KATNAL1: variants seen among roughly 807,000 people sequenced by gnomAD.
KATNAL1 encodes katanin p60 ATPase-containing subunit A-like 1.
A neutral mutation model predicts 55.2 loss-of-function variants in KATNAL1; 32 were observed. That is an observed-to-expected ratio of 0.58 (90% confidence interval 0.44 to 0.78). KATNAL1 has a LOEUF of 0.78. KATNAL1 is among the 30% of genes least tolerant of loss of function. KATNAL1 has a pLI of 0.00. For synonymous variants in KATNAL1, 193 were observed against 193.6 expected (o/e 1.00, Z 0.02); for missense variants, 466 against 600.9 (o/e 0.78, Z 2.35).
Position 30,204,261 on chromosome 13 carries a change from T to G in KATNAL1, c.*4279A>C. On this transcript the variant is annotated 3_prime_UTR_variant, in exon 11 of 11. Transcript: ENST00000380615. ...GCATTCACCCTTAACATTTTATGCC[T>G]GTCATACAGAATATACCCTAAACTG... 6.6e-6 allele frequency: 1 copy of G among 152,242 alleles called. No individual in the cohort carries two copies. The highest frequency in any genetic ancestry group is 1.9e-4 in the East Asian group (1 of 5,200). The allele number at this position is 152,242 out of a possible 1,614,324, so 9.4% of individuals were successfully genotyped here.
intron 3 of KATNAL1, among the ~76,000 whole-genome samples, chr13:30,262,918 AAAG>A (rs1381990832): frequency 2.0e-5 from 3 of 152,314 alleles, no homozygotes; most frequent in African/African-American, 7.2e-5. Flanking sequence ...CACACCCAAA[AAAG>A]AGAATTTCAG....
In KATNAL1 at chr13:30,207,547, C is replaced by T. The variant is rs1873263265; in HGVS notation, c.*993G>A. 6.6e-6 allele frequency: 1 copy of T among 152,144 alleles called. No homozygotes were observed. Among genetic ancestry groups the T allele is most frequent in the African/African-American group, 2.4e-5 (1 of 41,432 alleles). The allele number at this position is 152,144 out of a possible 1,614,324, so 9.4% of individuals were successfully genotyped here. ...TACTAAAATCAAACTCAAGAAAAATCAAACAATGCTGGAGCTGAGAAAAAT... is the reference window on the plus strand; with the variant it reads ...TACTAAAATCAAACTCAAGAAAAATTAAACAATGCTGGAGCTGAGAAAAAT... On this transcript the variant is annotated 3_prime_UTR_variant, in exon 11 of 11. Transcript: ENST00000380615.
chr13:30,235,950 T>C (rs1260903790), intron 6 of KATNAL1, among the ~76,000 whole-genome samples: 3 of 152,198 alleles, frequency 2.0e-5, no homozygotes, highest in African/African-American at 4.8e-5. Flanking sequence ...ATGGTATTCT[T>C]ACAATAAAGC....
chr13:30,283,873 A>G (rs1346999853), intron 1 of KATNAL1, 82 bp from the exon 2 acceptor site: 8 of 1,011,168 alleles, frequency 7.9e-6, no homozygotes, highest in Non-Finnish European at 1.1e-5. Flanking sequence ...TATGTTTAAA[A>G]CTACTTTTTT....
At chr13:30,248,309 A>G (rs937928957) in intron 4 of KATNAL1, among the ~76,000 whole-genome samples, 8 of 152,236 alleles carry the variant, frequency 5.3e-5, no homozygotes, top group African/African-American at 1.7e-4. Flanking sequence ...ATATTTCCAC[A>G]AATGGGTTTA....
chr13:30,289,371 C>T (rs943313191), intron 1 of KATNAL1, among the ~76,000 whole-genome samples: 1 of 152,196 alleles, frequency 6.6e-6, no homozygotes, highest in African/African-American at 2.4e-5. Flanking sequence ...CCTGTTGTAA[C>T]CAACACAATT....
chr13:30,256,564 T>C (rs995601047), intron 3 of KATNAL1, among the ~76,000 whole-genome samples: 10 of 152,186 alleles, frequency 6.6e-5, no homozygotes, highest in Admixed American at 5.9e-4. Flanking sequence ...AGCCTCACAC[T>C]TATAATTCAC....
chr13:30,240,636 T>C (rs1004941425), intron 5 of KATNAL1, 71 bp from the exon 6 acceptor site: 4 of 1,036,736 alleles, frequency 3.9e-6, no homozygotes, highest in Admixed American at 2.3e-5. Context: ...ACTAATTCTT[T>C]TAATTTTTTT....
chr13:30,251,601 T>C (rs150334582), intron 4 of KATNAL1, among the ~76,000 whole-genome samples: 1 of 152,172 alleles, frequency 6.6e-6, no homozygotes, highest in Non-Finnish European at 1.5e-5. Flanking sequence ...ATTTTAGACT[T>C]CCCAGCCTCC....
intron 3 of KATNAL1, among the ~76,000 whole-genome samples, chr13:30,261,184 C>G (rs1879256752): frequency 6.6e-6 from 1 of 151,782 alleles, no homozygotes; most frequent in African/African-American, 2.4e-5. Context: ...ATTTTGTCAC[C>G]ACCAGGCCTG....
intron 1 of KATNAL1, among the ~76,000 whole-genome samples, chr13:30,295,022 GACAAT>G (rs1411725998): frequency 2.0e-5 from 3 of 152,194 alleles, no homozygotes; most frequent in African/African-American, 4.8e-5. Context: ...GCCACTCACT[GACAAT>G]GCACCTGGTC....
At position 30,293,164 on chromosome 13, in the gene KATNAL1, T is replaced by A. The variant is rs1882251330; in HGVS notation, c.-14-9373A>T. ...TTTTTTTCTGCTGTGAAATGCCTTT[T>A]ATCCAGGAATTAGACTTCCTCAGCT... is the stretch of plus-strand genomic sequence containing the variant. On this transcript the variant is annotated intron_variant, in intron 1 of 10. Transcript: ENST00000380615. Among the ~76,000 whole-genome samples the A allele has an allele frequency of 4.6e-5, 7 of 152,082 alleles. No homozygotes were observed. In the South Asian group the frequency reaches 1.2e-3, roughly 27 times the overall value.
intron 4 of KATNAL1, among the ~76,000 whole-genome samples, chr13:30,245,877 A>T (rs1289100031): frequency 2.0e-5 from 3 of 152,184 alleles, no homozygotes; most frequent in African/African-American, 7.2e-5. Context: ...ACTACGAGCC[A>T]CTACTCAAGG....
intron 1 of KATNAL1, among the ~76,000 whole-genome samples, chr13:30,298,610 T>C (rs898421667): frequency 6.6e-6 from 1 of 152,132 alleles, no homozygotes; most frequent in Admixed American, 6.5e-5. Context: ...TTTAAAGACA[T>C]AGGGACAAGA....
intron 4 of KATNAL1, among the ~76,000 whole-genome samples, chr13:30,244,712 C>T (rs545889505): frequency 4.6e-4 from 70 of 152,126 alleles, no homozygotes; most frequent in African/African-American, 1.5e-3. Flanking sequence ...AATGATAAAA[C>T]GGATATCACC....
intron 9 of KATNAL1, among the ~76,000 whole-genome samples, chr13:30,218,117 A>G (rs1387768879): frequency 6.6e-6 from 1 of 151,984 alleles, no homozygotes; most frequent in Non-Finnish European, 1.5e-5. Flanking sequence ...GAATGGGGGA[A>G]AAAGGTAAGT....
At chr13:30,266,782 A>G (rs1393965937) in intron 3 of KATNAL1, among the ~76,000 whole-genome samples, 2 of 152,344 alleles carry the variant, frequency 1.3e-5, no homozygotes, top group East Asian at 3.9e-4. Flanking sequence ...TACAGAAAAC[A>G]CTTATCATCC....
At chr13:30,259,647 A>G (rs959994468) in intron 3 of KATNAL1, among the ~76,000 whole-genome samples, 3 of 152,176 alleles carry the variant, frequency 2.0e-5, no homozygotes, top group African/African-American at 7.2e-5. Context: ...TCCCACCTGA[A>G]TGCTGCGCTT....
At chr13:30,236,357 T>C (rs1240152372) in intron 6 of KATNAL1, among the ~76,000 whole-genome samples, 1 of 152,170 alleles carries the variant, frequency 6.6e-6, no homozygotes, top group Non-Finnish European at 1.5e-5. Flanking sequence ...CCTGTGAAGT[T>C]TGGCCCTACT....
Sources: allele counts gnomAD v4.1 joint callset (sites outside exome capture counted in the v4.1 genomes callset), GRCh38; gene constraint gnomAD v4.1.1; transcripts MANE v1.5; gene names NCBI Gene and HGNC (gene_info 2026-07-23, HGNC 2026-07-21).